The following FOXN3 variants were observed in gnomAD, a reference collection of about 807,000 sequenced individuals.
FOXN3 encodes forkhead box protein N3.
FOXN3 carries 7 observed loss-of-function variants against 38.4 expected under a neutral mutation model. The ratio of observed to expected loss-of-function variants is 0.18; its 90% confidence interval spans 0.10 to 0.34. The LOEUF (loss-of-function observed/expected upper bound fraction) is 0.34. Ranked by LOEUF, FOXN3 falls within the 10% of genes least tolerant of loss-of-function variation. The pLI is 1.00. For synonymous variants in FOXN3, 230 were observed against 242.2 expected, an observed-to-expected ratio of 0.95 and a Z score of 0.47; for missense variants, 456 against 613.4, an observed-to-expected ratio of 0.74 and a Z score of 2.71.
intron 2 of FOXN3, among the ~76,000 whole-genome samples, chr14:89,372,818 C>G (rs1890361830): frequency 6.6e-6 from 1 of 151,998 alleles, no homozygotes; most frequent in Non-Finnish European, 1.5e-5. Context: ...GCTGAGGGAA[C>G]TATTCAAATC....
intron 4 of FOXN3, among the ~76,000 whole-genome samples, chr14:89,207,331 T>C (rs1036862287): frequency 6.6e-5 from 10 of 152,022 alleles, no homozygotes; most frequent in Non-Finnish European, 1.0e-4. Context: ...TATTTGAGTC[T>C]AGATTAAAAA....
At chr14:89,507,735 A>G (rs1464407772) in intron 1 of FOXN3, among the ~76,000 whole-genome samples, 1 of 152,068 alleles carries the variant, frequency 6.6e-6, no homozygotes, top group African/African-American at 2.4e-5. Context: ...CTGCTCATCA[A>G]TGCTGCAGTC....
chr14:89,253,789 T>C (rs928153306), intron 4 of FOXN3, among the ~76,000 whole-genome samples: 6 of 152,164 alleles, frequency 3.9e-5, no homozygotes, highest in Non-Finnish European at 7.4e-5. Flanking sequence ...CCCCAATCTC[T>C]TTCCTGAAAT....
intron 2 of FOXN3, chr14:89,400,155 T>C (rs1281043683): frequency 6.6e-6 from 1 of 152,234 alleles, no homozygotes; most frequent in Non-Finnish European, 1.5e-5. Context: ...AAGTTATTGC[T>C]GAAATAATTC....
chr14:89,467,804 G>GTTTTTTTTTTTTTTTTTTTTT (rs68132432), intron 1 of FOXN3, among the ~76,000 whole-genome samples: 1 of 56,578 alleles, frequency 1.8e-5, no homozygotes, highest in African/African-American at 6.7e-5. Flanking sequence ...TTCTTTCTTT[G>GTTTTTTTTTTTTTTTTTTTTT]TTTTTTTTTT....
intron 3 of FOXN3, among the ~76,000 whole-genome samples, chr14:89,329,986 T>C (rs1888200501): frequency 6.6e-6 from 1 of 151,712 alleles, no homozygotes; most frequent in Non-Finnish European, 1.5e-5. Flanking sequence ...ATCATTATCA[T>C]GATGTGTGCC....
At chr14:89,499,792 G>A (rs1379653637) in intron 1 of FOXN3, among the ~76,000 whole-genome samples, 3 of 152,168 alleles carry the variant, frequency 2.0e-5, no homozygotes, top group African/African-American at 7.2e-5. Context: ...CATGTTCCCT[G>A]TGCCTCTTTT....
intron 3 of FOXN3, among the ~76,000 whole-genome samples, chr14:89,308,368 G>A (rs4904538): frequency 0.43 from 64,939 of 152,164 alleles, 14,663 homozygotes; most frequent in Middle Eastern, 0.51. Flanking sequence ...AAATGAGCTC[G>A]AATCTTCTGG....
Position 89,181,248 on chromosome 14 carries a change from C to T in FOXN3, c.746-442G>A, listed in dbSNP as rs76719775. ...AAAAGTAGGCTTCAAATAGTATTTT[C>T]TCACATTTATTAAACATAACCTTTT... On this transcript the variant is annotated intron_variant, in intron 4 of 5. Transcript: ENST00000557258. Among the ~76,000 whole-genome samples, 88 of 152,136 alleles carry T rather than the reference C, an allele frequency of 5.8e-4. No individual in the cohort carries two copies. The East Asian group carries it at 0.016, about 27-fold the overall frequency.
intron 1 of FOXN3, among the ~76,000 whole-genome samples, chr14:89,438,023 A>T (rs1892306151): frequency 1.3e-5 from 2 of 152,270 alleles, no homozygotes; most frequent in Non-Finnish European, 2.9e-5. Flanking sequence ...TTAACAAATG[A>T]TAATGAATGA....
At chr14:89,190,256 G>A in intron 4 of FOXN3, 1 of 663,236 alleles carries the variant, frequency 1.5e-6, no homozygotes, top group South Asian at 2.1e-5. Flanking sequence ...ATGCACTTAT[G>A]TAGCTTTTAA....
At chr14:89,211,920 G>T (rs950327547) in intron 4 of FOXN3, among the ~76,000 whole-genome samples, 3 of 152,308 alleles carry the variant, frequency 2.0e-5, no homozygotes, top group East Asian at 3.9e-4. Flanking sequence ...TGAAGATAGG[G>T]CCCTTTGGGA....
chr14:89,399,831 G>T (rs1277917911), intron 2 of FOXN3, among the ~76,000 whole-genome samples: 1 of 152,158 alleles, frequency 6.6e-6, no homozygotes, highest in Admixed American at 6.5e-5. Flanking sequence ...TCCATTCCCT[G>T]AAAGCAAGGA....
intron 3 of FOXN3, among the ~76,000 whole-genome samples, chr14:89,309,088 G>T (rs1182940410): frequency 6.6e-6 from 1 of 152,106 alleles, no homozygotes; most frequent in African/African-American, 2.4e-5. Flanking sequence ...CCTTGTAGTA[G>T]TTTAAATGCT....
chr14:89,505,266 CTCTCCT>C (rs1893889686), intron 1 of FOXN3, among the ~76,000 whole-genome samples: 2 of 151,560 alleles, frequency 1.3e-5, no homozygotes, highest in African/African-American at 4.9e-5. Context: ...CTCCCTCTCC[CTCTCCT>C]TCTCCCTCCC....
In FOXN3 at chr14:89,446,213, G is replaced by C. The variant is rs533290143; in HGVS notation, c.-14-33723C>G. On this transcript the variant is annotated intron_variant, in intron 1 of 6. Transcript: ENST00000345097. Reference sequence around the variant, plus strand: ...TTTTTTTTCTTTTTTTTTTGAGACAGAGTCTCACTCTGTTCCCCATGCTGG... The same window carrying C: ...TTTTTTTTCTTTTTTTTTTGAGACACAGTCTCACTCTGTTCCCCATGCTGG... Among the ~76,000 whole-genome samples, 5 of 102,540 alleles carry C rather than the reference G, an allele frequency of 4.9e-5. No individual in the cohort carries two copies. In the East Asian group the frequency reaches 1.5e-3, roughly 30 times the overall value. The allele number at this position is 102,540 out of a possible 152,430, so 67.3% of individuals were successfully genotyped here.
intron 1 of FOXN3, chr14:89,577,333 G>A (rs1419155017): frequency 1.3e-5 from 2 of 152,096 alleles, no homozygotes; most frequent in Admixed American, 6.6e-5. Flanking sequence ...AATCCATGTA[G>A]TCCTCCATAA....
rs1886990272 is a variant in FOXN3, at chr14:89,156,758, A to G, written c.*5656T>C. The G allele has an allele frequency of 6.6e-6, 1 of 152,080 alleles. No individual in the cohort carries two copies. The highest frequency in any genetic ancestry group is 2.4e-5 in the African/African-American group (1 of 41,392). The allele number at this position is 152,080 out of a possible 1,614,324, so 9.4% of individuals were successfully genotyped here. A position where few individuals can be genotyped will look rare whatever the true frequency, so the allele number is the denominator to read the frequency against. ...GGATACATTTTTCCTCCACATTTTC[A>G]CCATGGCAGTATTAAGTAGTGAGTG... On this transcript the variant is annotated 3_prime_UTR_variant, in exon 6 of 6. Coordinates refer to ENST00000557258, the MANE Select transcript of FOXN3 (RefSeq NM_005197.4).
Position 89,276,614 on chromosome 14 carries a change from G to A in FOXN3, c.745+4336C>T, listed in dbSNP as rs993518370. Among the ~76,000 whole-genome samples the A allele has an allele frequency of 3.9e-5, 6 of 152,278 alleles. No individual in the cohort carries two copies. The South Asian group carries it at 1.0e-3, about 26-fold the overall frequency. ...CGGGCTGTGAGTGGTTGAGAGGGTG[G>A]GACCTGGTTGAGAGGGTGGGACCTG... On this transcript the variant is annotated intron_variant, in intron 4 of 5. Transcript: ENST00000557258.
Sources: allele counts gnomAD v4.1 joint callset (sites outside exome capture counted in the v4.1 genomes callset), GRCh38; gene constraint gnomAD v4.1.1; transcripts MANE v1.5; gene names NCBI Gene and HGNC (gene_info 2026-07-23, HGNC 2026-07-21).